The following SUFU variants were observed in gnomAD, a reference collection of about 807,000 sequenced individuals.
SUFU encodes the protein SUFU negative regulator of hedgehog signaling.
SUFU carries 7 observed loss-of-function variants against 58.9 expected under a neutral mutation model. That is an observed-to-expected ratio of 0.12 (90% CI 0.07 to 0.22). The LOEUF (loss-of-function observed/expected upper bound fraction) is 0.22. SUFU is among the 10% of genes least tolerant of loss of function. SUFU has a pLI of 1.00. For missense variants in SUFU, 451 were observed against 641.3 expected (o/e 0.70, Z 3.20); for synonymous variants, 232 against 254.8 (o/e 0.91, Z 0.85).
chr10:102,579,951 A>G (rs2063255829), intron 3 of SUFU: 2 of 780,230 alleles, frequency 2.6e-6, no homozygotes, highest in Non-Finnish European at 3.1e-6. Context: ...TTGACCAGCT[A>G]TGAAGAACTT....
intron 6 of SUFU, among the ~76,000 whole-genome samples, chr10:102,595,570 C>T (rs762505164): frequency 2.4e-4 from 32 of 135,188 alleles, no homozygotes; most frequent in Non-Finnish European, 4.5e-4. Context: ...GTAGGGTAAA[C>T]AGCTGTCCTT....
At chr10:102,575,947 C>A (rs1475077735) in intron 3 of SUFU, among the ~76,000 whole-genome samples, 1 of 152,042 alleles carries the variant, frequency 6.6e-6, no homozygotes, top group Non-Finnish European at 1.5e-5. Flanking sequence ...AAGTGATCCT[C>A]CCACCTTAGC....
intron 2 of SUFU, among the ~76,000 whole-genome samples, chr10:102,527,420 GA>G: frequency 6.6e-6 from 1 of 152,020 alleles, no homozygotes; most frequent in East Asian, 1.9e-4. Context: ...ATGAAGACAG[GA>G]GAACTGAGTT....
rs1424814150 is a variant in SUFU, at chr10:102,603,779, T to C, written c.1022+4235T>C. 2.6e-5 allele frequency among the ~76,000 whole-genome samples: 4 copies of C among 152,206 alleles called. No individual in the cohort carries two copies. The South Asian group carries it at 8.3e-4, about 32-fold the overall frequency. On this transcript the variant is annotated intron_variant, in intron 8 of 11. Coordinates refer to ENST00000369902, the MANE Select transcript of SUFU (RefSeq NM_016169.4). ...ACTCTTAGGAGTGTCTCTGCACTTG[T>C]CTGTTTGGCCTTTGATTGGGGTGAC...
In SUFU at chr10:102,619,300, C is replaced by T. The variant is rs2063719707; in HGVS notation, c.1296+1872C>T. 21 of 1,443,398 alleles carry T rather than the reference C, an allele frequency of 1.5e-5. No homozygotes were observed. In the Admixed American group the frequency reaches 3.6e-4, roughly 25 times the overall value. 89.4% of individuals were successfully genotyped at this position (1,443,398 alleles called of 1,614,324 possible). ...CCCACTCCCAGTGCCACAACCCCCTCACCTCCCTGGCAGCCCCTCAGCGAG... is the reference window on the plus strand; with the variant it reads ...CCCACTCCCAGTGCCACAACCCCCTTACCTCCCTGGCAGCCCCTCAGCGAG... On this transcript the variant is annotated intron_variant, in intron 10 of 11. Coordinates refer to ENST00000369902, the MANE Select transcript of SUFU (RefSeq NM_016169.4). This position sits in a 1 kb window ranked among gnomAD's most constrained non-coding sequence, Gnocchi z 4.2.
intron 3 of SUFU, among the ~76,000 whole-genome samples, chr10:102,555,592 G>A (rs2062967085): frequency 6.6e-6 from 1 of 152,158 alleles, no homozygotes; most frequent in Admixed American, 6.6e-5. Flanking sequence ...GAAGTCTTAG[G>A]CAAATCAAAC....
chr10:102,512,163 G>A (rs1053224897), intron 2 of SUFU, among the ~76,000 whole-genome samples: 2 of 152,178 alleles, frequency 1.3e-5, no homozygotes, highest in Non-Finnish European at 2.9e-5. Flanking sequence ...TGCCTTTACA[G>A]CCTTCCAAAT....
chr10:102,623,754 A>G (rs2063762250), intron 10 of SUFU, among the ~76,000 whole-genome samples: 1 of 152,214 alleles, frequency 6.6e-6, no homozygotes, highest in African/African-American at 2.4e-5. Context: ...AGCCTGGCCA[A>G]CATGGCAAAA....
At position 102,632,932 on chromosome 10, in the gene SUFU, G is replaced by A. The variant is rs1485368328; in HGVS notation, c.*2777G>A. ...GCGAGGTCTCAGGCCTGTGTGGGGA[G>A]CTGGTGCCTCTTCCTGCCCGTATCT... On this transcript the variant is annotated 3_prime_UTR_variant, in exon 12 of 12. Coordinates refer to ENST00000369902, the MANE Select transcript of SUFU (RefSeq NM_016169.4). 8.6e-6 allele frequency: 2 copies of A among 233,520 alleles called. No individual in the cohort carries two copies. The highest frequency in any genetic ancestry group is 6.0e-5 in the East Asian group (1 of 16,604). The allele number at this position is 233,520 out of a possible 1,614,324, so 14.5% of individuals were successfully genotyped here.
At position 102,629,593 on chromosome 10, in the gene SUFU, C is replaced by T. The variant is rs2063818888; in HGVS notation, c.1366-473C>T. Among the ~76,000 whole-genome samples, 1 of 152,190 alleles carries T rather than the reference C, an allele frequency of 6.6e-6. No individual in the cohort carries two copies. The highest frequency in any genetic ancestry group is 1.5e-5 in the Non-Finnish European group (1 of 68,018). ...ACTGGGGCCTCCTTCCCTTTGGAGC[C>T]TTTGGCCAAGTATACAGAGGACAGG... On this transcript the variant is annotated intron_variant, in intron 11 of 11. Transcript: ENST00000369902. The surrounding 1 kb of genome is among the most constrained non-coding windows in gnomAD (Gnocchi z 4.7).
At chr10:102,618,944 G>GTGTA in intron 10 of SUFU, 1 of 680,390 alleles carries the variant, frequency 1.5e-6, no homozygotes, top group South Asian at 1.7e-5. Context: ...GTGTGTGTGT[G>GTGTA]TGTGTGTGTG....
At chr10:102,623,981 G>A (rs1370108825) in intron 10 of SUFU, among the ~76,000 whole-genome samples, 1 of 152,086 alleles carries the variant, frequency 6.6e-6, no homozygotes, top group African/African-American at 2.4e-5. Flanking sequence ...TCTCCTCTGG[G>A]TACCTACCCT....
At chr10:102,606,077 A>T (rs899938462) in intron 8 of SUFU, among the ~76,000 whole-genome samples, 4 of 152,212 alleles carry the variant, frequency 2.6e-5, no homozygotes, top group Non-Finnish European at 5.9e-5. Context: ...CAGAGAGACC[A>T]GGGTGGAGGG....
At chr10:102,594,622 C>T (rs1249104762) in intron 6 of SUFU, among the ~76,000 whole-genome samples, 5 of 152,230 alleles carry the variant, frequency 3.3e-5, no homozygotes, top group Admixed American at 3.3e-4. Flanking sequence ...CTGCCCACTC[C>T]CTGTGGCCCA....
At position 102,602,560 on chromosome 10, in the gene SUFU, C is replaced by T. The variant is rs2063524098; in HGVS notation, c.1022+3016C>T. Among the ~76,000 whole-genome samples the T allele has an allele frequency of 2.6e-5, 4 of 152,230 alleles. No individual in the cohort carries two copies. In the South Asian group the frequency reaches 8.3e-4, roughly 32 times the overall value. ...AAATCCCAGAAATAACAAGCTATGT[C>T]ATAATTGGCTCATTTATACCAAAAT... On this transcript the variant is annotated intron_variant, in intron 8 of 11. Transcript: ENST00000369902.
chr10:102,508,367 A>G (rs530468828), intron 1 of SUFU, among the ~76,000 whole-genome samples: 39 of 152,258 alleles, frequency 2.6e-4, no homozygotes, highest in Middle Eastern at 3.4e-3. Context: ...TCTCTTCCGC[A>G]ACTCCTTCTC....
intron 2 of SUFU, among the ~76,000 whole-genome samples, chr10:102,543,977 T>C (rs1051061017): frequency 6.6e-6 from 1 of 152,164 alleles, no homozygotes; most frequent in Admixed American, 6.5e-5. Context: ...CACACACTTG[T>C]AATTTCAGCT....
intron 8 of SUFU, among the ~76,000 whole-genome samples, chr10:102,606,339 C>T (rs906129157): frequency 1.3e-5 from 2 of 152,172 alleles, no homozygotes; most frequent in African/African-American, 4.8e-5. Context: ...TAAACCACCC[C>T]TTGGTGTGGT....
At chr10:102,531,030 A>G (rs2062671220) in intron 2 of SUFU, among the ~76,000 whole-genome samples, 1 of 150,664 alleles carries the variant, frequency 6.6e-6, no homozygotes, top group Admixed American at 6.6e-5. Context: ...TTGAGCCCAG[A>G]AGTTTGAGAC....
Sources: allele counts gnomAD v4.1 joint callset (sites outside exome capture counted in the v4.1 genomes callset), GRCh38; gene constraint gnomAD v4.1.1; non-coding constraint Gnocchi (gnomAD v3.1); transcripts MANE v1.5; gene names NCBI Gene and HGNC (gene_info 2026-07-23, HGNC 2026-07-21).